CD4: variants seen among roughly 807,000 people sequenced by gnomAD.
The protein encoded by CD4 is CD4 molecule.
CD4 carries 25 observed loss-of-function variants against 50.5 expected under a neutral mutation model. The ratio of observed to expected loss-of-function variants is 0.49; its 90% confidence interval spans 0.36 to 0.69. CD4 has a LOEUF of 0.69. Among genes scored for constraint, CD4 ranks in the 30% least tolerant of loss-of-function variants. CD4 has a pLI of 0.00. For synonymous variants in CD4, 207 were observed against 221.9 expected (o/e 0.93, Z 0.60); for missense variants, 456 against 548.5 (o/e 0.83, Z 1.68).
intron 1 of CD4, among the ~76,000 whole-genome samples, chr12:6,794,685 TTGTC>T (rs775741098): frequency 6.6e-6 from 1 of 151,960 alleles, no homozygotes; most frequent in Non-Finnish European, 1.5e-5. Context: ...TATATCTATC[TTGTC>T]TGTCTGACTG....
At chr12:6,810,958 G>A (rs1669958417) in intron 3 of CD4, among the ~76,000 whole-genome samples, 1 of 152,042 alleles carries the variant, frequency 6.6e-6, no homozygotes, top group Admixed American at 6.6e-5. Flanking sequence ...AGGAAGCTTG[G>A]GGCAACTGTG....
chr12:6,806,662 C>T (rs1436855840), intron 3 of CD4, among the ~76,000 whole-genome samples: 1 of 152,138 alleles, frequency 6.6e-6, no homozygotes, highest in Non-Finnish European at 1.5e-5. Context: ...CAAATAAGCA[C>T]ATGAAAAGTT....
intron 3 of CD4, among the ~76,000 whole-genome samples, chr12:6,813,220 ATT>A (rs58979580): frequency 7.8e-4 from 106 of 135,876 alleles, no homozygotes; most frequent in African/African-American, 8.8e-4. Context: ...ATTAAAAAAA[ATT>A]TTTTTTTTTT....
In CD4 at chr12:6,819,679, A is replaced by C. The variant is rs1943219389; in HGVS notation, c.*350A>C. 5 of 326,644 alleles carry C rather than the reference A, an allele frequency of 1.5e-5. No individual in the cohort carries two copies. The highest frequency in any genetic ancestry group is 2.3e-5 in the Non-Finnish European group (4 of 173,850). 20.2% of individuals were successfully genotyped at this position (326,644 alleles called of 1,614,324 possible). A position where few individuals can be genotyped will look rare whatever the true frequency, so the allele number is the denominator to read the frequency against. ...TGGAGGGTGAGGCTGGGTGTCTGGA[A>C]GCATGGAGCATGGGACTGTTCTTTT... On this transcript the variant is annotated 3_prime_UTR_variant, in exon 10 of 10. Transcript: ENST00000011653.
chr12:6,819,408 G>A lies in CD4; in HGVS notation c.*79G>A, dbSNP rs1371952238. The A allele has an allele frequency of 7.3e-7, 1 of 1,366,864 alleles. No homozygotes were observed. The highest frequency in any genetic ancestry group is 1.4e-5 in the African/African-American group (1 of 69,936). 84.7% of individuals were successfully genotyped at this position (1,366,864 alleles called of 1,614,324 possible). A position where few individuals can be genotyped will look rare whatever the true frequency, so the allele number is the denominator to read the frequency against. On this transcript the variant is annotated 3_prime_UTR_variant, in exon 10 of 10. Transcript: ENST00000011653. ...TTTCCTGCCTGCGGACCAGATGAAT[G>A]TAGCAGATCCCCAGCCTCTGGCCTC...
At chr12:6,802,042 T>G (rs984127858) in intron 3 of CD4, among the ~76,000 whole-genome samples, 1 of 151,624 alleles carries the variant, frequency 6.6e-6, no homozygotes, top group Non-Finnish European at 1.5e-5. Flanking sequence ...CCCGGCTAAT[T>G]TGCGTATTTT....
rs60376351 is a variant in CD4, at chr12:6,817,857, TCA to T, written c.1156+532_1156+533del. Among the ~76,000 whole-genome samples, 15 of 151,390 alleles carry T rather than the reference TCA, an allele frequency of 9.9e-5. No homozygotes were observed. In the South Asian group the frequency reaches 3.1e-3, roughly 32 times the overall value. On this transcript the variant is annotated intron_variant, in intron 7 of 9. Transcript: ENST00000011653. ...CACACACTCATACACACACATGTAC[TCA>T]CACATGCATGCACACACACACTTAC...
intron 1 of CD4, among the ~76,000 whole-genome samples, chr12:6,790,604 T>C (rs1942127344): frequency 6.6e-6 from 1 of 152,210 alleles, no homozygotes; most frequent in African/African-American, 2.4e-5. Context: ...CTCCTGGGCC[T>C]GGCAGGGTGT....
intron 1 of CD4, among the ~76,000 whole-genome samples, chr12:6,797,076 C>A (rs945997629): frequency 6.6e-6 from 1 of 152,180 alleles, no homozygotes; most frequent in Admixed American, 6.5e-5. Context: ...ACTAGACCCA[C>A]CCCCAGTTTC....
Position 6,800,283 on chromosome 12 carries a change from C to G in CD4, c.50-24C>G. ...AGGGGGACAGCGGCGACATTGAGAC[C>G]TGACTCCTTTCTTTTCCACTTAGCG... On this transcript the variant is annotated intron_variant, in intron 2 of 9. Transcript: ENST00000011653. The G allele has an allele frequency of 1.9e-6, 3 of 1,613,724 alleles. No homozygotes were observed. The South Asian group carries it at 3.3e-5, about 18-fold the overall frequency.
In CD4 at chr12:6,817,117, C is replaced by T. The variant is rs201752110; in HGVS notation, c.956-13C>T. On this transcript the variant is annotated splice_polypyrimidine_tract_variant and intron_variant, in intron 6 of 9. Transcript: ENST00000011653. ...TCTCAGGCCTTTGATCTCAGCCTCT[C>T]GTTCCTCTGCAGCCACTCAGCTCCA... is the stretch of plus-strand genomic sequence containing the variant. 25 of 1,610,528 alleles carry T rather than the reference C, an allele frequency of 1.6e-5. No homozygotes were observed. Among genetic ancestry groups the T allele is most frequent in the Admixed American group, 3.3e-5 (2 of 59,972 alleles).
chr12:6,797,524 G>A (rs1281222912), intron 1 of CD4, among the ~76,000 whole-genome samples: 2 of 152,112 alleles, frequency 1.3e-5, no homozygotes, highest in Non-Finnish European at 2.9e-5. Flanking sequence ...GGGGACCGGC[G>A]CTCAGCAAGT....
intron 3 of CD4, among the ~76,000 whole-genome samples, chr12:6,807,264 A>G (rs782163412): frequency 6.6e-6 from 1 of 152,384 alleles, no homozygotes; most frequent in South Asian, 2.1e-4. Flanking sequence ...ATGCCCACAC[A>G]AAAAGCTGCA....
At chr12:6,800,495 C>A in intron 3 of CD4, 24 bp downstream of exon 3, 1 of 1,600,310 alleles carries the variant, frequency 6.2e-7, no homozygotes, top group South Asian at 1.1e-5. Context: ...GCTCCCCATC[C>A]AGGGAGGAAA....
intron 5 of CD4, chr12:6,815,214 GA>G: frequency 1.9e-6 from 1 of 536,274 alleles, no homozygotes; most frequent in Non-Finnish European, 3.3e-6. Flanking sequence ...ATGGAGAAAG[GA>G]AAGGCTGGGG....
chr12:6,793,970 A>ATCTATATCTATCTATCTATCTATCTATC (rs1555114029), intron 1 of CD4, among the ~76,000 whole-genome samples: 1 of 133,850 alleles, frequency 7.5e-6, no homozygotes, highest in Non-Finnish European at 1.6e-5. Flanking sequence ...CTATCTATCT[A>ATCTATATCTATCTATCTATCTATCTATC]TATCTATCTA....
intron 3 of CD4, among the ~76,000 whole-genome samples, chr12:6,805,434 A>G (rs1434925632): frequency 6.6e-6 from 1 of 151,398 alleles, no homozygotes; most frequent in Non-Finnish European, 1.5e-5. Flanking sequence ...GTTGTGGCGC[A>G]TGCCTGATCC....
intron 3 of CD4, among the ~76,000 whole-genome samples, chr12:6,808,022 G>A (rs1449398601): frequency 6.9e-6 from 1 of 144,204 alleles, no homozygotes; most frequent in Non-Finnish European, 1.5e-5. Flanking sequence ...GGAGGTTGCA[G>A]TGAGCCGAGA....
intron 1 of CD4, among the ~76,000 whole-genome samples, chr12:6,798,464 C>T (rs1315448088): frequency 7.5e-6 from 1 of 134,216 alleles, no homozygotes; most frequent in Non-Finnish European, 1.7e-5. Context: ...GAGGCAAGAA[C>T]TTTTTAAAAG....
Sources: allele counts gnomAD v4.1 joint callset (sites outside exome capture counted in the v4.1 genomes callset), GRCh38; gene constraint gnomAD v4.1.1; transcripts MANE v1.5; gene names NCBI Gene and HGNC (gene_info 2026-07-23, HGNC 2026-07-21).